Variants in TMEM178B observed in about 807,000 individuals in gnomAD.
TMEM178B encodes transmembrane protein 178B.
TMEM178B carries 5 observed loss-of-function variants against 31.0 expected under a neutral mutation model. The observed-to-expected ratio is 0.16, with a 90% CI of 0.08 to 0.34. The LOEUF is 0.34. Ranked by LOEUF, TMEM178B falls within the 10% of genes least tolerant of loss-of-function variation. The pLI is 1.00. For synonymous variants in TMEM178B, 164 were observed against 164.0 expected, an observed-to-expected ratio of 1.00 and a Z score of 0.00; for missense variants, 275 against 400.3, an observed-to-expected ratio of 0.69 and a Z score of 2.67.
the TMEM178B span, among the ~76,000 whole-genome samples, chr7:141,506,903 G>A: frequency 6.6e-6 from 1 of 152,108 alleles, no homozygotes; most frequent in Non-Finnish European, 1.5e-5. Context: ...GGAGAAATTG[G>A]CCAAAACAAA....
At chr7:141,305,555 G>A (rs549488343) in intron 2 of TMEM178B, among the ~76,000 whole-genome samples, 66 of 152,194 alleles carry the variant, frequency 4.3e-4, no homozygotes, top group Admixed American at 8.5e-4. Context: ...AGCCTCCCAA[G>A]TAGCTGGGAT....
intron 1 of TMEM178B, among the ~76,000 whole-genome samples, chr7:141,088,397 G>A (rs1041336231): frequency 6.6e-6 from 1 of 152,064 alleles, no homozygotes; most frequent in African/African-American, 2.4e-5. Flanking sequence ...CCAGATCTGT[G>A]TGTAGCTCTA....
At chr7:141,362,043 A>G (rs1799926265) in intron 2 of TMEM178B, among the ~76,000 whole-genome samples, 1 of 152,244 alleles carries the variant, frequency 6.6e-6, no homozygotes, top group Non-Finnish European at 1.5e-5. Flanking sequence ...GTGCGTGGCA[A>G]TGGCTAAATT....
At chr7:141,092,053 A>G (rs1371904962) in intron 1 of TMEM178B, among the ~76,000 whole-genome samples, 4 of 152,232 alleles carry the variant, frequency 2.6e-5, no homozygotes, top group African/African-American at 7.2e-5. Flanking sequence ...TGCTAAAGAT[A>G]CATTCCAGGA....
intron 2 of TMEM178B, among the ~76,000 whole-genome samples, chr7:141,278,638 G>T (rs923091677): frequency 6.6e-6 from 1 of 152,052 alleles, no homozygotes. Context: ...CTCTTGAGGG[G>T]TATGGTCAGG....
rs1399253646 is a variant in TMEM178B at position 141,212,700 on chromosome 7, C to A, written c.492C>A (p.Ala164=). 6.5e-7 allele frequency: 1 copy of A among 1,535,558 alleles called. No homozygotes were observed. The highest frequency in any genetic ancestry group is 1.2e-5 in the South Asian group (1 of 84,036). ...TKTIRQDEWH[A]LHLRRMTAGF... ...CCATCCGTCAGGATGAGTGGCATGC[C>A]CTACGTAAGTGCACCTGAGTCTCAG... Residue 164 remains alanine (A), a synonymous_variant, in exon 2 of 4, where the codon GCC becomes GCA. Coordinates refer to ENST00000565468, the MANE Select transcript of TMEM178B (RefSeq NM_001195278.2).
Position 141,157,401 on chromosome 7 carries a change from CCT to C in TMEM178B, c.383-55185_383-55184del, listed in dbSNP as rs902026965. 4.5e-3 allele frequency among the ~76,000 whole-genome samples: 679 copies of C among 151,732 alleles called. 7 individuals carry two copies. The highest frequency in any genetic ancestry group is 0.016 in the African/African-American group (643 of 41,192). ...AGAAGCATAGCAAAGCAAAACAGATCCTCTCTTTCCTACTCCTGCGCGCGTGC... is the reference window on the plus strand; with the variant it reads ...AGAAGCATAGCAAAGCAAAACAGATCCTCTTTCCTACTCCTGCGCGCGTGC... On this transcript the variant is annotated intron_variant, in intron 1 of 3. Transcript: ENST00000565468.
chr7:141,226,841 G>C (rs1797349567), intron 2 of TMEM178B, among the ~76,000 whole-genome samples: 1 of 131,550 alleles, frequency 7.6e-6, no homozygotes, highest in African/African-American at 3.0e-5. Flanking sequence ...CTAAGCAACA[G>C]AGTGAGACTA....
the TMEM178B span, among the ~76,000 whole-genome samples, chr7:141,487,730 A>C: frequency 7.5e-6 from 1 of 133,522 alleles, no homozygotes. Context: ...GATTAGAGTA[A>C]GACTCCGTCT....
chr7:141,108,735 CATG>C (rs1355964056), intron 1 of TMEM178B, among the ~76,000 whole-genome samples: 1 of 152,136 alleles, frequency 6.6e-6, no homozygotes, highest in African/African-American at 2.4e-5. Flanking sequence ...ACTAGTTTGG[CATG>C]ATTGTGTGTT....
chr7:141,480,780 A>C (rs1304879748), downstream of TMEM178B, among the ~76,000 whole-genome samples: 1 of 152,204 alleles, frequency 6.6e-6, no homozygotes, highest in African/African-American at 2.4e-5. Flanking sequence ...CCTAGTCTTC[A>C]TCAGCTTTGT....
At chr7:141,112,055 A>G (rs960524571) in intron 1 of TMEM178B, among the ~76,000 whole-genome samples, 9 of 152,218 alleles carry the variant, frequency 5.9e-5, no homozygotes, top group Admixed American at 2.0e-4. Context: ...ATTTGCTTAT[A>G]TTTGATCTTT....
intron 2 of TMEM178B, among the ~76,000 whole-genome samples, chr7:141,399,802 T>C (rs1013543248): frequency 6.6e-6 from 1 of 152,220 alleles, no homozygotes; most frequent in African/African-American, 2.4e-5. Context: ...TCCTTTCCTC[T>C]GCTGGCCCTA....
intron 1 of TMEM178B, among the ~76,000 whole-genome samples, chr7:141,089,263 C>A (rs1350714641): frequency 6.6e-6 from 1 of 152,164 alleles, no homozygotes; most frequent in African/African-American, 2.4e-5. Context: ...GGAGGAAGGG[C>A]TTTAGGCTGA....
intron 2 of TMEM178B, among the ~76,000 whole-genome samples, chr7:141,375,443 CAG>C (rs1306799683): frequency 2.0e-5 from 3 of 152,286 alleles, no homozygotes; most frequent in South Asian, 2.1e-4. Context: ...ATGAAAAAGA[CAG>C]AGAGTTACAA....
At chr7:141,220,355 ATAAT>A (rs1563122146) in intron 2 of TMEM178B, among the ~76,000 whole-genome samples, 5 of 95,188 alleles carry the variant, frequency 5.3e-5, no homozygotes, top group Admixed American at 2.1e-4. Context: ...AATAATAATA[ATAAT>A]AAAATAATAA....
intron 2 of TMEM178B, among the ~76,000 whole-genome samples, chr7:141,276,705 T>G (rs1043730162): frequency 6.6e-6 from 1 of 152,108 alleles, no homozygotes; most frequent in African/African-American, 2.4e-5. Flanking sequence ...AGCCAAACCA[T>G]ATCAGTGTTG....
intron 2 of TMEM178B, among the ~76,000 whole-genome samples, chr7:141,364,305 C>A (rs941530620): frequency 1.6e-4 from 25 of 152,136 alleles, no homozygotes; most frequent in African/African-American, 5.8e-4. Context: ...TGCTTCTGGG[C>A]TATACTCCCT....
At chr7:141,149,416 T>G (rs917030491) in intron 1 of TMEM178B, among the ~76,000 whole-genome samples, 3 of 152,140 alleles carry the variant, frequency 2.0e-5, no homozygotes, top group African/African-American at 7.2e-5. Flanking sequence ...AGCATGGTGG[T>G]GTACGCTTGT....
Sources: allele counts gnomAD v4.1 joint callset (sites outside exome capture counted in the v4.1 genomes callset), GRCh38; gene constraint gnomAD v4.1.1; transcripts MANE v1.5; gene names NCBI Gene and HGNC (gene_info 2026-07-23, HGNC 2026-07-21).